Variants in TUT7 observed in about 807,000 individuals in gnomAD.
TUT7 encodes the protein terminal uridylyl transferase 7.
Under a neutral mutation model 165.9 loss-of-function variants are expected in TUT7, and 33 were observed. That is an observed-to-expected ratio of 0.20 (90% CI 0.15 to 0.27). The LOEUF (loss-of-function observed/expected upper bound fraction) is 0.27. TUT7 is among the 10% of genes least tolerant of loss of function. TUT7 has a pLI of 1.00. For synonymous variants in TUT7, 552 were observed against 608.1 expected (o/e 0.91, Z 1.36); for missense variants, 1,338 against 1,762.3 (o/e 0.76, Z 4.31).
intron 23 of TUT7, 39 bp from the exon 24 acceptor site, chr9:86,304,986 A>G: frequency 6.9e-7 from 1 of 1,441,190 alleles, no homozygotes; most frequent in Non-Finnish European, 9.6e-7. Context: ...GCGGGTTAAA[A>G]GGAAAAGAGA....
chr9:86,319,242 A>G (rs763135936), intron 15 of TUT7, among the ~76,000 whole-genome samples, 184 bp from the exon 16 acceptor site: 1 of 152,224 alleles, frequency 6.6e-6, no homozygotes, highest in Non-Finnish European at 1.5e-5. Flanking sequence ...CTTCCTTTAC[A>G]TACAAGCTGT....
At chr9:86,306,867 T>A (rs1036157590) in intron 22 of TUT7, among the ~76,000 whole-genome samples, 1 of 152,208 alleles carries the variant, frequency 6.6e-6, no homozygotes, top group African/African-American at 2.4e-5. Flanking sequence ...GCTGGTTATA[T>A]GATTATGAAT....
rs549952208 is a variant in TUT7 at position 86,300,698 on chromosome 9, T to A, written c.4420+578A>T. The stretch of plus-strand genomic sequence containing the variant: ...GGATGGTGTTGTTAATGACTGCTAA[T>A]AGATATTTTCTTCGTCATAAGAATA... On this transcript the variant is annotated intron_variant, in intron 26 of 26. Coordinates refer to ENST00000375963, the MANE Select transcript of TUT7 (RefSeq NM_024617.4). 5.9e-5 allele frequency among the ~76,000 whole-genome samples: 9 copies of A among 152,352 alleles called. No homozygotes were observed. The South Asian group carries it at 1.0e-3, about 18-fold the overall frequency.
rs553731620 is a variant in TUT7, at chr9:86,351,509, T to C, written c.520+1171A>G. ...CTGTGAAAAAAGAAAAAAAATCAAG[T>C]AGCACATTTCCCCCCATTTAATATT... On this transcript the variant is annotated intron_variant, in intron 2 of 26. Transcript: ENST00000375963. 5.3e-5 allele frequency among the ~76,000 whole-genome samples: 8 copies of C among 152,308 alleles called. No individual in the cohort carries two copies. In the East Asian group the frequency reaches 1.5e-3, roughly 29 times the overall value.
intron 2 of TUT7, among the ~76,000 whole-genome samples, chr9:86,348,574 G>A (rs768945861): frequency 1.3e-5 from 2 of 152,046 alleles, no homozygotes; most frequent in African/African-American, 2.4e-5. Context: ...ACAACATAGT[G>A]AGATGTCATC....
chr9:86,298,796 TTTTG>T, intron 26 of TUT7: 2 of 985,290 alleles, frequency 2.0e-6, no homozygotes, highest in Non-Finnish European at 2.4e-6. Context: ...TATTGTTGTT[TTTTG>T]TTTCTTTTTG....
chr9:86,288,207 A>G lies in TUT7; in HGVS notation c.*470T>C, dbSNP rs1000237254. ...GATGTCCGTAAATCGGAAGTACAGC[A>G]GTAGCAGTTCATACATATCTGATAT... On this transcript the variant is annotated 3_prime_UTR_variant, in exon 27 of 27. Transcript: ENST00000375963. 20 of 152,526 alleles carry G rather than the reference A, an allele frequency of 1.3e-4. No homozygotes were observed. Among genetic ancestry groups the G allele is most frequent in the African/African-American group, 4.1e-4 (17 of 41,464 alleles). The allele number at this position is 152,526 out of a possible 1,614,324, so 9.4% of individuals were successfully genotyped here.
At chr9:86,331,729 T>C (rs1422113425) in intron 10 of TUT7, among the ~76,000 whole-genome samples, 1 of 152,210 alleles carries the variant, frequency 6.6e-6, no homozygotes, top group Non-Finnish European at 1.5e-5. Flanking sequence ...TTATTTCTTC[T>C]AGAATATAGT....
In TUT7 at chr9:86,319,844, T is replaced by C. The variant is rs193273293; in HGVS notation, c.3029-174A>G. ...AACAAGGTAAAGTTTGTTTTTTATT[T>C]ATTTTTGAGATAAGGTCTGGTTCTG... On this transcript the variant is annotated intron_variant, in intron 14 of 26. Transcript: ENST00000375963. Among the ~76,000 whole-genome samples, 6 of 152,226 alleles carry C rather than the reference T, an allele frequency of 3.9e-5. No homozygotes were observed. The East Asian group carries it at 1.2e-3, about 29-fold the overall frequency.
In TUT7 at chr9:86,352,887, C is replaced by T. The variant is rs781711083; in HGVS notation, c.313G>A (p.Glu105Lys). Residue 105 changes from glutamate to lysine, a missense_variant, in exon 2 of 27, where the codon GAA becomes AAA. Coordinates refer to ENST00000375963, the MANE Select transcript of TUT7 (RefSeq NM_024617.4). ...CAGTTGTCTGAATTACCAGTATGTT[C>T]ATCAGACAGCCATCTCTTACTCTGA... Reference protein sequence around the residue: ...KDQSKRWLSDEHTGNSDNWRE... With the variant: ...KDQSKRWLSDKHTGNSDNWRE... 6.2e-7 allele frequency: 1 copy of T among 1,614,190 alleles called. No homozygotes were observed. The highest frequency in any genetic ancestry group is 8.5e-7 in the Non-Finnish European group (1 of 1,180,028).
At chr9:86,309,886 C>T (rs527254182) in intron 19 of TUT7, 42 bp downstream of exon 19, 2 of 1,531,196 alleles carry the variant, frequency 1.3e-6, no homozygotes, top group East Asian at 2.3e-5. Flanking sequence ...TTTAAAGATG[C>T]AATGAAATTT....
Position 86,323,573 on chromosome 9 carries a change from C to T in TUT7, c.2177G>A (p.Cys726Tyr), listed in dbSNP as rs1829522002. Residue 726 changes from cysteine to tyrosine, a missense_variant, in exon 13 of 27, where the codon TGT (cysteine) becomes TAT (tyrosine). By Grantham distance (194) the Cys-to-Tyr change is radical. Coordinates refer to ENST00000375963, the MANE Select transcript of TUT7 (RefSeq NM_024617.4). ...HISVHPENSD[C>Y]IQADVNSDDY... ...ATCAGAGTTAACATCTGCTTGGATA[C>T]AGTCTGAGTTTTCAGGGTGGACACT... The T allele has an allele frequency of 6.2e-7, 1 of 1,614,168 alleles. No individual in the cohort carries two copies.
intron 25 of TUT7, among the ~76,000 whole-genome samples, chr9:86,302,548 C>A (rs917497165): frequency 1.3e-5 from 2 of 151,966 alleles, no homozygotes; most frequent in Non-Finnish European, 2.9e-5. Context: ...GAACTCCTGG[C>A]CTCAAGTGAT....
rs1298248011 is a variant in TUT7, at chr9:86,311,651, G to GGTCTCCCTCTGATGCCA, written c.3275-843_3275-842insTGGCATCAGAGGGAGAC. On this transcript the variant is annotated intron_variant, in intron 17 of 26. Transcript: ENST00000375963. The surrounding 1 kb of genome is among the most constrained non-coding windows in gnomAD (Gnocchi z 4.4). The stretch of plus-strand genomic sequence containing the variant: ...CTTTCCACGGTCTCCCTCTGATGCC[G>GGTCTCCCTCTGATGCCA]GTCTCCCTCTGATGCCGAGCCGAAG... Among the ~76,000 whole-genome samples the GGTCTCCCTCTGATGCCA allele has an allele frequency of 2.0e-5, 3 of 151,768 alleles. No individual in the cohort carries two copies. Among genetic ancestry groups the GGTCTCCCTCTGATGCCA allele is most frequent in the African/African-American group, 7.3e-5 (3 of 41,372 alleles).
At chr9:86,337,338 G>T in intron 10 of TUT7, 81 bp downstream of exon 10, 2 of 1,471,098 alleles carry the variant, frequency 1.4e-6, no homozygotes, top group Non-Finnish European at 1.8e-6. Context: ...TAGGTGTCTA[G>T]ATTTTGAAAT....
At chr9:86,342,691 A>G (rs543329063) in intron 6 of TUT7, among the ~76,000 whole-genome samples, 2 of 152,330 alleles carry the variant, frequency 1.3e-5, no homozygotes, top group Admixed American at 1.3e-4. Context: ...GGTATACAAA[A>G]AGAGGAAACT....
At position 86,306,935 on chromosome 9, in the gene TUT7, A is replaced by G. The variant is rs904838803; in HGVS notation, c.3838+1494T>C. Among the ~76,000 whole-genome samples the G allele has an allele frequency of 2.8e-4, 43 of 152,250 alleles. 1 individual carries two copies. The highest frequency in any genetic ancestry group is 1.0e-3 in the African/African-American group (43 of 41,534). On this transcript the variant is annotated intron_variant, in intron 22 of 26. Transcript: ENST00000375963. The stretch of plus-strand genomic sequence containing the variant: ...CTGCTTGTCTGAAAGTAATGTAAGA[A>G]TTAGAAGCAAAAGATAATAAACCTT...
Position 86,311,589 on chromosome 9 carries a change from T to TCCCTCTCCCCTCTC in TUT7, c.3275-794_3275-781dup, listed in dbSNP as rs61336499. Reference sequence around the variant, plus strand: ...TCCTCTCCCTCTCCCTCTCCCCTCTTCCCTCTCCCCTCTCCCCACGGTCTC... The same window carrying TCCCTCTCCCCTCTC: ...TCCTCTCCCTCTCCCTCTCCCCTCTTCCCTCTCCCCTCTCCCCTCTCCCCTCTCCCCACGGTCTC... On this transcript the variant is annotated intron_variant, in intron 17 of 26. Transcript: ENST00000375963. The surrounding 1 kb of genome is among the most constrained non-coding windows in gnomAD (Gnocchi z 4.4). Among the ~76,000 whole-genome samples, 3 of 149,974 alleles carry TCCCTCTCCCCTCTC rather than the reference T, an allele frequency of 2.0e-5. No homozygotes were observed. Among genetic ancestry groups the TCCCTCTCCCCTCTC allele is most frequent in the Admixed American group, 1.3e-4 (2 of 15,132 alleles).
intron 2 of TUT7, among the ~76,000 whole-genome samples, chr9:86,348,967 G>GTAC (rs1832026341): frequency 6.6e-6 from 1 of 152,016 alleles, no homozygotes; most frequent in Non-Finnish European, 1.5e-5. Flanking sequence ...ACTCTTGGAG[G>GTAC]GTAAAGCTAG....
Sources: allele counts gnomAD v4.1 joint callset (sites outside exome capture counted in the v4.1 genomes callset), GRCh38; gene constraint gnomAD v4.1.1; non-coding constraint Gnocchi (gnomAD v3.1); transcripts MANE v1.5; gene names NCBI Gene and HGNC (gene_info 2026-07-23, HGNC 2026-07-21).